The following FRMD6 variants were observed in gnomAD, a reference collection of about 807,000 sequenced individuals.
FRMD6 encodes the protein FERM domain-containing protein 6.
A neutral mutation model predicts 73.2 loss-of-function variants in FRMD6; 37 were observed. That is an observed-to-expected ratio of 0.51 (90% CI 0.39 to 0.66). The LOEUF is 0.66. FRMD6 is among the 30% of genes least tolerant of loss of function. The pLI, the probability that FRMD6 is intolerant of heterozygous loss-of-function variation, is 0.00. For missense variants in FRMD6, 714 were observed against 780.5 expected (o/e 0.91, Z 1.02); for synonymous variants, 273 against 282.2 (o/e 0.97, Z 0.33).
At chr14:51,614,345 C>T (rs764261902) in intron 2 of FRMD6, among the ~76,000 whole-genome samples, 10 of 152,078 alleles carry the variant, frequency 6.6e-5, no homozygotes, top group South Asian at 6.2e-4. Context: ...TTCAATCTTA[C>T]GAAACAAAGA....
In FRMD6 at chr14:51,582,278, G is replaced by A. The variant is rs1228592527; in HGVS notation, c.-147+11868G>A. On this transcript the variant is annotated intron_variant, in intron 2 of 14. Transcript: ENST00000356218. ...TGTTTTTGAGATGTGTCCTAATCCA[G>A]TAGAGATCAGGATGAGAGCAATGAC... Among the ~76,000 whole-genome samples the A allele has an allele frequency of 2.0e-5, 3 of 152,190 alleles. No individual in the cohort carries two copies. In the East Asian group the frequency reaches 5.8e-4, roughly 29 times the overall value.
chr14:51,409,648 G>T, the FRMD6 span, among the ~76,000 whole-genome samples: 2 of 151,830 alleles, frequency 1.3e-5, no homozygotes, highest in Non-Finnish European at 2.9e-5. Context: ...ACCCAGGTTG[G>T]GGTGCAGTGG....
the FRMD6 span, among the ~76,000 whole-genome samples, chr14:51,397,706 G>A: frequency 1.2e-4 from 18 of 152,168 alleles, no homozygotes; most frequent in Admixed American, 2.0e-4. Context: ...TTTGAGCACT[G>A]ACATCGCGCC....
chr14:51,536,772 A>T (rs1170819027), intron 1 of FRMD6, among the ~76,000 whole-genome samples: 3 of 152,234 alleles, frequency 2.0e-5, no homozygotes, highest in Non-Finnish European at 4.4e-5. Flanking sequence ...AGTTATGATC[A>T]TTCATAAACC....
intron 1 of FRMD6, among the ~76,000 whole-genome samples, chr14:51,659,098 T>C (rs955757058): frequency 6.6e-6 from 1 of 152,182 alleles, no homozygotes; most frequent in African/African-American, 2.4e-5. Context: ...AATATAATGA[T>C]AGGAATGAGG....
At chr14:51,643,925 T>C (rs749790918) in intron 2 of FRMD6, among the ~76,000 whole-genome samples, 5 of 152,196 alleles carry the variant, frequency 3.3e-5, no homozygotes, top group Non-Finnish European at 5.9e-5. Flanking sequence ...CTTCTTAATA[T>C]CTTGAAAAGC....
intron 1 of FRMD6, among the ~76,000 whole-genome samples, chr14:51,559,746 A>G (rs1388766828): frequency 6.6e-6 from 1 of 152,180 alleles, no homozygotes; most frequent in Non-Finnish European, 1.5e-5. Context: ...AGAACAAATA[A>G]GGTAATCATT....
At chr14:51,424,332 C>G in the FRMD6 span, among the ~76,000 whole-genome samples, 1 of 152,136 alleles carries the variant, frequency 6.6e-6, no homozygotes, top group East Asian at 1.9e-4. Flanking sequence ...ACAGACAAAC[C>G]AAGCATTTAC....
At chr14:51,701,679 GA>G (rs1032516336) in intron 4 of FRMD6, among the ~76,000 whole-genome samples, 14 of 150,312 alleles carry the variant, frequency 9.3e-5, no homozygotes, top group African/African-American at 3.4e-4. Context: ...ATAGCTTATA[GA>G]AAATAATAAA....
chr14:51,684,760 G>T (rs1895036994), intron 1 of FRMD6, among the ~76,000 whole-genome samples: 1 of 152,148 alleles, frequency 6.6e-6, no homozygotes, highest in Non-Finnish European at 1.5e-5. Context: ...AATGTCAGTA[G>T]TGGCAAGTTT....
the FRMD6 span, among the ~76,000 whole-genome samples, chr14:51,401,332 T>A: frequency 6.6e-6 from 1 of 152,218 alleles, no homozygotes; most frequent in East Asian, 1.9e-4. Flanking sequence ...TGTTTTAGGA[T>A]GTGGCTAGGA....
At chr14:51,436,944 A>G in the FRMD6 span, 1 of 991,278 alleles carries the variant, frequency 1.0e-6, no homozygotes, top group Non-Finnish European at 1.5e-6. Flanking sequence ...GGAGAGGAGG[A>G]TGAAGGAGAA....
chr14:51,575,763 G>T (rs1888367978), intron 2 of FRMD6: 1 of 152,214 alleles, frequency 6.6e-6, no homozygotes, highest in Non-Finnish European at 1.5e-5. Flanking sequence ...GCAGATGGCT[G>T]GAACTCTCCG....
At chr14:51,519,804 G>A (rs1215755974) in intron 1 of FRMD6, among the ~76,000 whole-genome samples, 2 of 152,100 alleles carry the variant, frequency 1.3e-5, no homozygotes, top group African/African-American at 4.8e-5. Context: ...AAAATTTGGG[G>A]GCCCTATCAC....
chr14:51,597,834 T>A (rs1281435868), intron 2 of FRMD6, among the ~76,000 whole-genome samples: 1 of 152,178 alleles, frequency 6.6e-6, no homozygotes, highest in African/African-American at 2.4e-5. Flanking sequence ...CACTGAGAGT[T>A]CTGACTGGTC....
rs182511811 is a variant in FRMD6, at chr14:51,585,011, G to T, written c.-147+14601G>T. Among the ~76,000 whole-genome samples, 17 of 152,238 alleles carry T rather than the reference G, an allele frequency of 1.1e-4. No homozygotes were observed. In the East Asian group the frequency reaches 3.3e-3, roughly 29 times the overall value. ...TAATACACATAAAGCCCTTGGAATG[G>T]TCCTTGCACGTAGTGAACACTCAAT... On this transcript the variant is annotated intron_variant, in intron 2 of 14. Transcript: ENST00000356218.
At chr14:51,423,885 C>A in the FRMD6 span, among the ~76,000 whole-genome samples, 1 of 152,094 alleles carries the variant, frequency 6.6e-6, no homozygotes, top group African/African-American at 2.4e-5. Context: ...CTAGCAGTCT[C>A]CTGGGGCTTG....
intron 1 of FRMD6, among the ~76,000 whole-genome samples, chr14:51,551,487 C>G (rs892636346): frequency 6.6e-6 from 1 of 152,166 alleles, no homozygotes; most frequent in Admixed American, 6.5e-5. Flanking sequence ...GTAATCTTAG[C>G]ACTTCGGGAG....
upstream of FRMD6, chr14:51,650,131 GA>G (rs1476457353): frequency 2.6e-5 from 4 of 152,184 alleles, no homozygotes; most frequent in Non-Finnish European, 4.4e-5. Flanking sequence ...AGTATCCTTA[GA>G]AACTGCCCAG....
Sources: gnomAD v4.1 joint callset for allele counts (sites outside exome capture counted in the v4.1 genomes callset) on GRCh38, gnomAD v4.1.1 for gene constraint, MANE v1.5 for transcripts, NCBI Gene and HGNC (gene_info 2026-07-23, HGNC 2026-07-21) for gene names.